The following SEC31B variants were observed in gnomAD, a reference collection of about 807,000 sequenced individuals.
The protein encoded by SEC31B is protein transport protein Sec31B.
Under a neutral mutation model 135.0 loss-of-function variants are expected in SEC31B, and 113 were observed. The ratio of observed to expected loss-of-function variants is 0.84; its 90% CI spans 0.72 to 0.98. SEC31B has a LOEUF of 0.98. SEC31B is among the 50% of genes least tolerant of loss of function. The probability of loss-of-function intolerance (pLI) is 0.00; values close to 1 mark genes in which losing one functional copy is unlikely to be tolerated. For missense variants in SEC31B, 1,296 were observed against 1,421.1 expected (o/e 0.91, Z 1.42); for synonymous variants, 508 against 549.4 (o/e 0.92, Z 1.05).
Position 100,509,403 on chromosome 10 carries a change from G to A in SEC31B, c.312C>T (p.His104=), listed in dbSNP as rs1851696782. ...NGMLILYNVT[H]ILSSGKEPVI... ...CAGGCTCCTTCCCCGAAGACAGGAT[G>A]TGGGTCACATTGTATAGAATAAGCA... is the stretch of plus-strand genomic sequence containing the variant. The change falls in exon 4 of 26, where the codon CAC becomes CAT. Residue 104 remains histidine (H), a synonymous_variant. Transcript: ENST00000370345. The A allele has an allele frequency of 1.2e-6, 2 of 1,614,184 alleles. No individual in the cohort carries two copies. Among genetic ancestry groups the A allele is most frequent in the Admixed American group, 1.7e-5 (1 of 60,024 alleles).
At chr10:100,487,990 T>C in intron 25 of SEC31B, 37 bp downstream of exon 25, 1 of 1,597,598 alleles carries the variant, frequency 6.3e-7, no homozygotes, top group Non-Finnish European at 8.6e-7. Context: ...ATGGTGGAAG[T>C]GTAGGAGGCA....
At chr10:100,495,691 T>C in intron 18 of SEC31B, 145 bp from the exon 19 acceptor site, 1 of 979,796 alleles carries the variant, frequency 1.0e-6, no homozygotes, top group Non-Finnish European at 1.5e-6. Context: ...TCTGTTTTGT[T>C]TTGTTTTAGG....
At position 100,505,453 on chromosome 10, in the gene SEC31B, G is replaced by A. The variant is rs377740613; in HGVS notation, c.1087C>T (p.Gln363Ter). Reference protein sequence around the residue: ...FSKGQPLPPLQVPEQVAQAPL... With the variant: ...FSKGQPLPPL The stretch of plus-strand genomic sequence containing the variant: ...GCTTGTGCCACTTGCTCTGGCACCT[G>A]CAGTGGTGGGAGAGGCTGGCCTTTG... Residue 363 changes from glutamine (Q) to a stop codon, truncating the protein, a stop_gained, in exon 10 of 26, where the codon CAG becomes TAG. Transcript: ENST00000370345. LOFTEE classifies it high-confidence loss of function. The A allele has an allele frequency of 2.5e-6, 4 of 1,590,316 alleles. No homozygotes were observed. Among genetic ancestry groups the A allele is most frequent in the Non-Finnish European group, 3.4e-6 (4 of 1,168,984 alleles).
chr10:100,489,069 T>C, intron 23 of SEC31B, 95 bp from the exon 24 acceptor site: 1 of 1,509,918 alleles, frequency 6.6e-7, no homozygotes, highest in South Asian at 1.3e-5. Flanking sequence ...ACAGTCACAC[T>C]GTTCCCATTA....
intron 16 of SEC31B, 48 bp from the exon 17 acceptor site, chr10:100,497,328 C>T: frequency 1.2e-6 from 2 of 1,601,208 alleles, no homozygotes; most frequent in Non-Finnish European, 1.7e-6. Context: ...CCCTGTGTGC[C>T]TCTCCTTCTC....
chr10:100,515,150 G>A (rs1032527711), intron 3 of SEC31B, among the ~76,000 whole-genome samples: 3 of 151,896 alleles, frequency 2.0e-5, no homozygotes, highest in Non-Finnish European at 2.9e-5. Context: ...AAATTAGCTC[G>A]GTGTGGTGGC....
rs777208127 is a variant in SEC31B at position 100,490,256 on chromosome 10, C to T, written c.2717G>A (p.Gly906Glu). The T allele has an allele frequency of 1.4e-5, 22 of 1,613,672 alleles. No individual in the cohort carries two copies. The South Asian group carries it at 2.2e-4, about 16-fold the overall frequency. Reference sequence around the variant, plus strand: ...AGGGGAACCAGGAAGAGGCCATGTCCCAGGGAATCCCACCGGGTTAGGAAC... The same window carrying T: ...AGGGGAACCAGGAAGAGGCCATGTCTCAGGGAATCCCACCGGGTTAGGAAC... ...VQVPNPVGFP[G>E]TWPLPGSPLP... is the part of the protein sequence containing the mutation. Residue 906 changes from glycine (G) to glutamate (E), a missense_variant, in exon 21 of 26, where the codon GGG becomes GAG. Physicochemically the swap from Gly to Glu is moderately conservative, Grantham distance 98. Transcript: ENST00000370345.
chr10:100,489,270 T>TGGAAC lies in SEC31B; in HGVS notation c.3148_3152dup (p.Gly1052PhefsTer29), dbSNP rs1488672383. 43 of 1,608,154 alleles carry TGGAAC rather than the reference T, an allele frequency of 2.7e-5. No homozygotes were observed. The highest frequency in any genetic ancestry group is 3.6e-5 in the Non-Finnish European group (42 of 1,178,166). On this transcript the variant is annotated frameshift_variant, in exon 23 of 26. Transcript: ENST00000370345. LOFTEE classifies it high-confidence loss of function. ...TTGTCACCTGCAGGCTGAGTTCTCCTGGAACTCCTGGGGGAGCATGACTCA... is the reference window on the plus strand; with the variant it reads ...TTGTCACCTGCAGGCTGAGTTCTCCTGGAACGGAACTCCTGGGGGAGCATGACTCA...
At chr10:100,499,419 A>G in intron 12 of SEC31B, 105 bp downstream of exon 12, 2 of 1,110,828 alleles carry the variant, frequency 1.8e-6, no homozygotes, top group East Asian at 2.4e-5. Context: ...ATGCTCACAT[A>G]TGCAATAATA....
chr10:100,506,596 T>C (rs1851636801), intron 7 of SEC31B, 176 bp from the exon 8 acceptor site: 2 of 623,114 alleles, frequency 3.2e-6, no homozygotes, highest in Admixed American at 5.9e-5. Context: ...ATTAAGTAAC[T>C]TTCCAACAGT....
chr10:100,510,063 C>T (rs150472721), intron 3 of SEC31B, among the ~76,000 whole-genome samples: 147 of 152,320 alleles, frequency 9.7e-4, no homozygotes, highest in African/African-American at 3.3e-3. Context: ...GTAATTTTAT[C>T]CCCATTTTAG....
Position 100,502,424 on chromosome 10 carries a change from G to C in SEC31B, c.1240C>G (p.Pro414Ala), listed in dbSNP as rs148906477. ...PSTPAHLVPQ[P>A]CPRLVFISQV... is the part of the protein sequence containing the mutation. The stretch of plus-strand genomic sequence containing the variant: ...CTGATGAAGACTAGGCGGGGGCAAG[G>C]CTGTGGCACCAGATGGGCAGGGGTG... The change falls in exon 11 of 26, where the codon CCT becomes GCT. Residue 414 changes from proline (P) to alanine (A), a missense_variant. Pro to Ala is a conservative substitution (Grantham distance 27, BLOSUM62 -1). Coordinates refer to ENST00000370345, the MANE Select transcript of SEC31B (RefSeq NM_015490.4). 25 of 1,614,036 alleles carry C rather than the reference G, an allele frequency of 1.5e-5. 1 individual carries two copies. Among genetic ancestry groups the C allele is most frequent in the South Asian group, 6.6e-5 (6 of 91,086 alleles).
intron 22 of SEC31B, 76 bp from the exon 23 acceptor site, chr10:100,489,474 G>A: frequency 6.5e-7 from 1 of 1,543,326 alleles, no homozygotes; most frequent in Non-Finnish European, 8.8e-7. Flanking sequence ...TGGCAGGAAT[G>A]ACAGTGAACA....
Position 100,487,769 on chromosome 10 carries a change from G to C in SEC31B, c.3387C>G (p.Leu1129=), listed in dbSNP as rs2298074. Residue 1129 remains leucine (L), a synonymous_variant, in exon 26 of 26, where the codon CTC becomes CTG. Coordinates refer to ENST00000370345, the MANE Select transcript of SEC31B (RefSeq NM_015490.4). ...CATCCACACATCGGGCAACCTCATG[G>C]AGCCCAGCCACGACATGAGGTGAGA... ...GTLSPHVVAG[L]HEVARCVDAG... 0.21 allele frequency: 343,418 copies of C among 1,613,244 alleles called. 38,312 individuals carry two copies. The highest frequency in any genetic ancestry group is 0.23 in the South Asian group (20,959 of 90,962).
rs1406151073 is a variant in SEC31B at position 100,489,234 on chromosome 10, A to C, written c.3171+18T>G. 6.3e-7 allele frequency: 1 copy of C among 1,593,510 alleles called. No individual in the cohort carries two copies. Among genetic ancestry groups the C allele is most frequent in the Non-Finnish European group, 8.5e-7 (1 of 1,171,472 alleles). ...CTGGAAGGTTTCCCAAGGGAGGGGAATACATTGTCCTTGTCACCTGCAGGC... is the reference window on the plus strand; with the variant it reads ...CTGGAAGGTTTCCCAAGGGAGGGGACTACATTGTCCTTGTCACCTGCAGGC... On this transcript the variant is annotated intron_variant, in intron 23 of 25. Coordinates refer to ENST00000370345, the MANE Select transcript of SEC31B (RefSeq NM_015490.4).
Position 100,508,571 on chromosome 10 carries a change from T to G in SEC31B, c.495+436A>C, listed in dbSNP as rs1280387236. ...CAAGACAGAAGACCAGACCCCCAAC[T>G]GCATGGCAGAGCCACATACAGGGAG... On this transcript the variant is annotated intron_variant, in intron 5 of 25. Coordinates refer to ENST00000370345, the MANE Select transcript of SEC31B (RefSeq NM_015490.4). 9 of 459,308 alleles carry G rather than the reference T, an allele frequency of 2.0e-5. No homozygotes were observed. In the Admixed American group the frequency reaches 2.2e-4, roughly 11 times the overall value. The allele number at this position is 459,308 out of a possible 1,614,324, so 28.5% of individuals were successfully genotyped here. A position where few individuals can be genotyped will look rare whatever the true frequency, so the allele number is the denominator to read the frequency against.
chr10:100,498,230 T>G, intron 14 of SEC31B, 23 bp from the exon 15 acceptor site: 2 of 1,612,878 alleles, frequency 1.2e-6, no homozygotes, highest in Non-Finnish European at 1.7e-6. Context: ...GCATCCCCTG[T>G]GCATTAGTTG....
chr10:100,499,372 TTTTTTTCTGAGAAA>T, intron 12 of SEC31B, 114 bp from the exon 13 acceptor site: 1 of 1,103,606 alleles, frequency 9.1e-7, no homozygotes, highest in Non-Finnish European at 1.3e-6. Context: ...CCCTGATCTA[TTTTTTTCTGAGAAA>T]AAAACAAACT....
At chr10:100,506,231 A>C (rs1377444218) in intron 8 of SEC31B, 30 bp from the exon 9 acceptor site, 3 of 1,614,126 alleles carry the variant, frequency 1.9e-6, no homozygotes, top group Non-Finnish European at 2.5e-6. Context: ...CATTAGGGAC[A>C]GTCCATGAAA....
Sources: allele counts gnomAD v4.1 joint callset (sites outside exome capture counted in the v4.1 genomes callset), GRCh38; gene constraint gnomAD v4.1.1; transcripts MANE v1.5; gene names NCBI Gene and HGNC (gene_info 2026-07-23, HGNC 2026-07-21).